Variants in ATP13A3 observed in about 807,000 individuals in gnomAD.
ATP13A3 encodes polyamine-transporting ATPase 13A3.
A neutral mutation model predicts 158.1 loss-of-function variants in ATP13A3; 59 were observed. The ratio of observed to expected loss-of-function variants is 0.37; its 90% CI spans 0.30 to 0.46. The LOEUF is 0.46. Ranked by LOEUF, ATP13A3 falls within the 20% of genes least tolerant of loss-of-function variation. The pLI, the probability that ATP13A3 is intolerant of heterozygous loss-of-function variation, is 1.00. For synonymous variants in ATP13A3, 491 were observed against 504.3 expected, an observed-to-expected ratio of 0.97 and a Z score of 0.35; for missense variants, 1,166 against 1,525.2, an observed-to-expected ratio of 0.76 and a Z score of 3.92.
chr3:194,472,799 A>G (rs1720363407), intron 2 of ATP13A3, among the ~76,000 whole-genome samples: 1 of 152,258 alleles, frequency 6.6e-6, no homozygotes, highest in Admixed American at 6.5e-5. Flanking sequence ...CACATACACT[A>G]TGGAATACTA....
At chr3:194,462,088 T>C in intron 3 of ATP13A3, 52 bp downstream of exon 3, 8 of 1,561,116 alleles carry the variant, frequency 5.1e-6, no homozygotes, top group Non-Finnish European at 7.1e-6. Context: ...AAATAATAAA[T>C]TGCAGAGATA....
chr3:194,492,803 T>G (rs9868728), intron 2 of ATP13A3, among the ~76,000 whole-genome samples: 34,002 of 152,122 alleles, frequency 0.22, 7,708 homozygotes, highest in African/African-American at 0.58. Context: ...CGATGTAAAT[T>G]CTATGCAAAC....
At chr3:194,466,948 G>A (rs1313547629) in intron 2 of ATP13A3, among the ~76,000 whole-genome samples, 1 of 152,152 alleles carries the variant, frequency 6.6e-6, no homozygotes, top group African/African-American at 2.4e-5. Context: ...TCTGCCTCTG[G>A]GGCACTGACT....
chr3:194,485,037 A>G (rs1050053996), intron 2 of ATP13A3, among the ~76,000 whole-genome samples: 1 of 150,874 alleles, frequency 6.6e-6, no homozygotes, highest in African/African-American at 2.5e-5. Context: ...AGCCTGGGCA[A>G]CAGAGCAAGA....
At position 194,413,793 on chromosome 3, in the gene ATP13A3, A is replaced by G; in HGVS notation, c.3449T>C (p.Val1150Ala). The G allele has an allele frequency of 1.2e-6, 2 of 1,614,018 alleles. No homozygotes were observed. The highest frequency in any genetic ancestry group is 2.2e-5 in the East Asian group (1 of 44,880). Residue 1150 changes from valine (V) to alanine (A), a missense_variant, in exon 32 of 34, where the codon GTT (valine) becomes GCT (alanine). Physicochemically the swap from Val to Ala is moderately conservative, Grantham distance 64. Coordinates refer to ENST00000645319, the MANE Select transcript of ATP13A3 (RefSeq NM_001367549.1). ...YQWRVTMLII[V>A]LVNAFVSITV... is the part of the protein sequence containing the mutation. ...GATAGACACAAAGGCATTGACAAGA[A>G]CAATGATGAGCATAGTTACACGCCA... is the stretch of plus-strand genomic sequence containing the variant.
In ATP13A3 at chr3:194,404,146, G is replaced by A; in HGVS notation, c.*1773C>T. 1 of 448,510 alleles carries A rather than the reference G, an allele frequency of 2.2e-6. No homozygotes were observed. Among genetic ancestry groups the A allele is most frequent in the Non-Finnish European group, 4.4e-6 (1 of 225,066 alleles). The allele number at this position is 448,510 out of a possible 1,614,324, so 27.8% of individuals were successfully genotyped here. A position where few individuals can be genotyped will look rare whatever the true frequency, so the allele number is the denominator to read the frequency against. ...ATGATCCAGAGAATAAGTAACTATA[G>A]AAAATAGTGCTAATTCACAGCTCAA... On this transcript the variant is annotated 3_prime_UTR_variant, in exon 34 of 34. Coordinates refer to ENST00000645319, the MANE Select transcript of ATP13A3 (RefSeq NM_001367549.1).
At chr3:194,457,785 C>CTTTTTTT (rs147162535) in intron 6 of ATP13A3, among the ~76,000 whole-genome samples, 1 of 127,916 alleles carries the variant, frequency 7.8e-6, no homozygotes, top group Non-Finnish European at 1.7e-5. Flanking sequence ...CTTAATTATG[C>CTTTTTTT]TTTTTTTTTT....
Position 194,405,848 on chromosome 3 carries a change from G to T in ATP13A3, c.*71C>A, listed in dbSNP as rs1714889936. The T allele has an allele frequency of 2.0e-6, 3 of 1,515,856 alleles. No homozygotes were observed. The highest frequency in any genetic ancestry group is 2.8e-5 in the African/African-American group (2 of 72,716). 93.9% of individuals were successfully genotyped at this position (1,515,856 alleles called of 1,614,324 possible). On this transcript the variant is annotated 3_prime_UTR_variant, in exon 34 of 34. Transcript: ENST00000645319. ...TGAACTAGTGCCATTCTGACACACA[G>T]GATCAGAAACTCCTAAAATCACATA...
At chr3:194,432,967 G>A (rs563801288) in intron 21 of ATP13A3, among the ~76,000 whole-genome samples, 52 of 152,104 alleles carry the variant, frequency 3.4e-4, no homozygotes, top group African/African-American at 1.2e-3. Context: ...ATTCAAGCTA[G>A]GGTAATAAAC....
Position 194,403,712 on chromosome 3 carries a change from G to GTC in ATP13A3, c.*2205_*2206dup, listed in dbSNP as rs1356680888. On this transcript the variant is annotated 3_prime_UTR_variant, in exon 34 of 34. Transcript: ENST00000645319. ...ATGGTAACCTACGAGAGAAGACTCA[G>GTC]TCTATCTATGGCACTGAGTAGAACC... is the stretch of plus-strand genomic sequence containing the variant. 1 of 157,566 alleles carries GTC rather than the reference G, an allele frequency of 6.3e-6. No individual in the cohort carries two copies. Among genetic ancestry groups the GTC allele is most frequent in the African/African-American group, 2.4e-5 (1 of 41,456 alleles). 9.8% of individuals were successfully genotyped at this position (157,566 alleles called of 1,614,324 possible).
Position 194,427,144 on chromosome 3 carries a change from C to A in ATP13A3, c.3056G>T (p.Gly1019Val). The change falls in exon 29 of 34, where the codon GGA becomes GTA. Residue 1019 changes from glycine to valine, a missense_variant. Gly to Val is a moderately radical substitution (Grantham distance 109). Transcript: ENST00000645319. Reference sequence around the variant, plus strand: ...CCAAAAAAAACCCAAAGATTGAAATCCAATGCAGATGATAATCTGAGACAA... The same window carrying A: ...CCAAAAAAAACCCAAAGATTGAAATACAATGCAGATGATAATCTGAGACAA... ...SVLSQIIICI[G>V]FQSLGFFWVK... The A allele has an allele frequency of 6.2e-7, 1 of 1,613,806 alleles. No individual in the cohort carries two copies. Among genetic ancestry groups the A allele is most frequent in the East Asian group, 2.2e-5 (1 of 44,864 alleles).
intron 16 of ATP13A3, among the ~76,000 whole-genome samples, chr3:194,439,601 T>G (rs1302584781): frequency 6.6e-6 from 1 of 152,226 alleles, no homozygotes; most frequent in African/African-American, 2.4e-5. Flanking sequence ...AATTAGCCAA[T>G]TTTGTACAAT....
intron 3 of ATP13A3, 119 bp from the exon 4 acceptor site, chr3:194,460,950 G>T: frequency 9.3e-7 from 1 of 1,077,638 alleles, no homozygotes. Context: ...CACATAAACT[G>T]TAAATATTTT....
intron 2 of ATP13A3, among the ~76,000 whole-genome samples, chr3:194,483,925 CTAA>C (rs1720860681): frequency 6.6e-6 from 1 of 152,098 alleles, no homozygotes; most frequent in African/African-American, 2.4e-5. Flanking sequence ...TACAACATAT[CTAA>C]GAGTTAAACT....
At chr3:194,443,814 T>C (rs1261907190) in intron 15 of ATP13A3, among the ~76,000 whole-genome samples, 3 of 152,076 alleles carry the variant, frequency 2.0e-5, no homozygotes, top group African/African-American at 4.8e-5. Context: ...CAGAGACTAA[T>C]AGGATAATTT....
chr3:194,440,067 G>A (rs1299450766), intron 16 of ATP13A3, among the ~76,000 whole-genome samples: 3 of 152,172 alleles, frequency 2.0e-5, no homozygotes, highest in South Asian at 4.1e-4. Flanking sequence ...TGGGTAGGGA[G>A]GGAGGGAGGT....
intron 2 of ATP13A3, among the ~76,000 whole-genome samples, chr3:194,469,663 T>G (rs1720209068): frequency 6.6e-6 from 1 of 152,212 alleles, no homozygotes; most frequent in African/African-American, 2.4e-5. Flanking sequence ...ATTTTTTTTC[T>G]GAGAATTACA....
intron 30 of ATP13A3, among the ~76,000 whole-genome samples, chr3:194,422,731 C>G (rs1716481178): frequency 1.3e-5 from 2 of 151,880 alleles, no homozygotes; most frequent in South Asian, 4.2e-4. Context: ...CTTAGTGACT[C>G]CGAAATAAGG....
chr3:194,465,142 A>C (rs923927206), intron 2 of ATP13A3, among the ~76,000 whole-genome samples: 1 of 152,160 alleles, frequency 6.6e-6, no homozygotes, highest in Admixed American at 6.5e-5. Context: ...GATAATTGAG[A>C]GATTAAAAAA....
Sources: gnomAD v4.1 joint callset for allele counts (sites outside exome capture counted in the v4.1 genomes callset) on GRCh38, gnomAD v4.1.1 for gene constraint, MANE v1.5 for transcripts, NCBI Gene and HGNC (gene_info 2026-07-23, HGNC 2026-07-21) for gene names.